The following PPHLN1 variants were observed in gnomAD, a reference collection of about 807,000 sequenced individuals.
PPHLN1 encodes periphilin-1.
A neutral mutation model predicts 51.3 loss-of-function variants in PPHLN1; 29 were observed. The ratio of observed to expected loss-of-function variants is 0.57; its 90% CI spans 0.42 to 0.77. The LOEUF (loss-of-function observed/expected upper bound fraction) is 0.77, where lower values mean the gene tolerates loss of function less well. PPHLN1 is among the 30% of genes least tolerant of loss of function. PPHLN1 has a pLI of 0.00. For synonymous variants in PPHLN1, 147 were observed against 147.8 expected (o/e 0.99, Z 0.04); for missense variants, 436 against 438.4 (o/e 0.99, Z 0.05).
intron 8 of PPHLN1, among the ~76,000 whole-genome samples, chr12:42,397,131 G>A (rs1217829646): frequency 6.6e-6 from 1 of 152,040 alleles, no homozygotes; most frequent in Non-Finnish European, 1.5e-5. Flanking sequence ...CACATATAGG[G>A]TGTTATTTTT....
chr12:42,391,438 C>T (rs1035102956), intron 7 of PPHLN1, among the ~76,000 whole-genome samples: 2 of 152,038 alleles, frequency 1.3e-5, no homozygotes, highest in Non-Finnish European at 2.9e-5. Flanking sequence ...GGGGTTTCAC[C>T]GTGTTGGCCA....
chr12:42,434,982 C>T (rs1053789903), intron 9 of PPHLN1, among the ~76,000 whole-genome samples: 1 of 152,186 alleles, frequency 6.6e-6, no homozygotes, highest in Non-Finnish European at 1.5e-5. Context: ...CGTGAGCCAC[C>T]GCGCCCAGCC....
At position 42,426,225 on chromosome 12, in the gene PPHLN1, CACA is replaced by C. The variant is rs1566010536; in HGVS notation, c.910-15089_910-15087del. ...ACACACACACACACACACACACACA[CACA>C]CCCTCATGCATTGTCTCATGGCAGT... On this transcript the variant is annotated intron_variant, in intron 9 of 9. Transcript: ENST00000358314. 2.6e-3 allele frequency among the ~76,000 whole-genome samples: 357 copies of C among 137,340 alleles called. 2 individuals carry two copies. The highest frequency in any genetic ancestry group is 6.0e-3 in the East Asian group (29 of 4,860). The allele number at this position is 137,340 out of a possible 152,430, so 90.1% of individuals were successfully genotyped here.
downstream of PPHLN1, chr12:42,446,297 G>A (rs1449484485): frequency 8.3e-6 from 13 of 1,568,820 alleles, no homozygotes; most frequent in Admixed American, 3.6e-5. Flanking sequence ...CAAGGTATTG[G>A]TCCTTTTTAT....
chr12:42,395,874 T>A (rs1434134766), intron 8 of PPHLN1, among the ~76,000 whole-genome samples: 3 of 152,192 alleles, frequency 2.0e-5, no homozygotes, highest in Non-Finnish European at 4.4e-5. Context: ...CTGCCCTCAT[T>A]ATAGTTCTAA....
chr12:42,446,079 C>T (rs553311483), downstream of PPHLN1: 248 of 1,550,096 alleles, frequency 1.6e-4, no homozygotes, highest in Non-Finnish European at 2.0e-4. Context: ...CCGCAGCCCC[C>T]GCAGGCCCCG....
At chr12:42,413,095 G>T (rs1056288508) in intron 9 of PPHLN1, among the ~76,000 whole-genome samples, 1 of 151,980 alleles carries the variant, frequency 6.6e-6, no homozygotes, top group Non-Finnish European at 1.5e-5. Flanking sequence ...TATTTCTTTT[G>T]CTGTACAGAA....
At chr12:42,415,233 G>A (rs559181775) in intron 9 of PPHLN1, among the ~76,000 whole-genome samples, 2 of 152,100 alleles carry the variant, frequency 1.3e-5, no homozygotes, top group Admixed American at 6.5e-5. Flanking sequence ...GTGCAGTGGC[G>A]TAATCTCAGC....
At chr12:42,374,211 G>C (rs1200942967) in intron 4 of PPHLN1, among the ~76,000 whole-genome samples, 4 of 152,188 alleles carry the variant, frequency 2.6e-5, no homozygotes, top group Non-Finnish European at 4.4e-5. Context: ...TGTGGTAGCT[G>C]TGTGGTGTAT....
chr12:42,414,341 G>A (rs977413873), intron 9 of PPHLN1, among the ~76,000 whole-genome samples: 5 of 151,938 alleles, frequency 3.3e-5, no homozygotes, highest in Admixed American at 6.6e-5. Context: ...GGCGATGTTG[G>A]TATTTTAATA....
At chr12:42,337,777 TTTTATTTA>T (rs1555178699) in intron 2 of PPHLN1, among the ~76,000 whole-genome samples, 12 of 140,448 alleles carry the variant, frequency 8.5e-5, no homozygotes, top group Non-Finnish European at 1.1e-4. Flanking sequence ...TTTTATTTTA[TTTTATTTA>T]TTTATTTATT....
rs200385328 is a variant in PPHLN1 at position 42,376,735 on chromosome 12, CTG to C, written c.511+1664_511+1665del. Reference sequence around the variant, plus strand: ...CCCAGGAGGTTGAACCTGCAGTAAACTGTGATCACGCCACTGCACTCTAACCT... The same window carrying C: ...CCCAGGAGGTTGAACCTGCAGTAAACTGATCACGCCACTGCACTCTAACCT... On this transcript the variant is annotated intron_variant, in intron 5 of 9. Coordinates refer to ENST00000358314, the MANE Select transcript of PPHLN1 (RefSeq NM_201439.2). 9.2e-3 allele frequency among the ~76,000 whole-genome samples: 1,401 copies of C among 152,198 alleles called. 23 individuals are homozygous for C. Among genetic ancestry groups the C allele is most frequent in the African/African-American group, 0.031 (1,303 of 41,522 alleles).
At chr12:42,410,299 G>A (rs1392713664) in intron 9 of PPHLN1, among the ~76,000 whole-genome samples, 2 of 152,066 alleles carry the variant, frequency 1.3e-5, no homozygotes, top group East Asian at 3.8e-4. Context: ...TTAAGGGAGG[G>A]TAGTTTGAAG....
At chr12:42,355,766 AAG>A (rs1188949990) in intron 4 of PPHLN1, 2 of 151,812 alleles carry the variant, frequency 1.3e-5, no homozygotes, top group South Asian at 2.1e-4. Flanking sequence ...AAAAAAAAAA[AAG>A]AACTATTGTG....
intron 5 of PPHLN1, among the ~76,000 whole-genome samples, chr12:42,384,408 T>C (rs552541504): frequency 1.5e-4 from 23 of 152,296 alleles, no homozygotes; most frequent in Non-Finnish European, 2.9e-4. Context: ...ATTAAGAGTT[T>C]GCAGACAAGG....
downstream of PPHLN1, chr12:42,442,762 C>G: frequency 1.2e-6 from 2 of 1,612,244 alleles, no homozygotes; most frequent in Non-Finnish European, 1.7e-6. Context: ...GGTGCCCGCT[C>G]GGGATTTCCA....
intron 9 of PPHLN1, among the ~76,000 whole-genome samples, chr12:42,433,945 A>T (rs1470312140): frequency 6.6e-6 from 1 of 152,176 alleles, no homozygotes; most frequent in African/African-American, 2.4e-5. Flanking sequence ...AATAAAATTT[A>T]TTTTAAAAAA....
At chr12:42,345,920 C>T (rs2072249307) in intron 2 of PPHLN1, among the ~76,000 whole-genome samples, 1 of 151,118 alleles carries the variant, frequency 6.6e-6, no homozygotes, top group South Asian at 2.1e-4. Context: ...TTTTTGTTTA[C>T]TTATTTTTAA....
intron 9 of PPHLN1, among the ~76,000 whole-genome samples, chr12:42,431,272 T>C (rs2082013429): frequency 6.6e-6 from 1 of 152,268 alleles, no homozygotes; most frequent in South Asian, 2.1e-4. Flanking sequence ...CATTTTATTC[T>C]AGTTTTCCTC....
Sources: allele counts gnomAD v4.1 joint callset (sites outside exome capture counted in the v4.1 genomes callset), GRCh38; gene constraint gnomAD v4.1.1; transcripts MANE v1.5; gene names NCBI Gene and HGNC (gene_info 2026-07-23, HGNC 2026-07-21).